The following PDZRN4 variants were observed in gnomAD, a reference collection of about 807,000 sequenced individuals.
PDZRN4 encodes PDZ domain containing ring finger 4.
In PDZRN4, 70 loss-of-function variants were observed where a neutral mutation model predicts 99.0. That is an observed-to-expected ratio of 0.71 (90% CI 0.58 to 0.86). The LOEUF (loss-of-function observed/expected upper bound fraction) is 0.86, where lower values mean the gene tolerates loss of function less well. Among genes scored for constraint, PDZRN4 ranks in the 40% least tolerant of loss-of-function variants. PDZRN4 has a pLI of 0.00. For synonymous variants in PDZRN4, 551 were observed against 501.6 expected, an observed-to-expected ratio of 1.10 and a Z score of -1.32; for missense variants, 1,474 against 1,331.2, an observed-to-expected ratio of 1.11 and a Z score of -1.67.
chr12:41,453,230 A>C (rs1952789836), intron 3 of PDZRN4, among the ~76,000 whole-genome samples: 1 of 152,122 alleles, frequency 6.6e-6, no homozygotes. Context: ...CTCGATCCTG[A>C]AGATGGGATC....
intron 7 of PDZRN4, among the ~76,000 whole-genome samples, chr12:41,560,133 G>A (rs1029680286): frequency 5.9e-5 from 9 of 151,496 alleles, no homozygotes; most frequent in African/African-American, 9.7e-5. Context: ...TGTTTTTTCC[G>A]CATCTATGTC....
At chr12:41,271,620 C>T (rs1245205444) in intron 3 of PDZRN4, among the ~76,000 whole-genome samples, 1 of 152,102 alleles carries the variant, frequency 6.6e-6, no homozygotes, top group African/African-American at 2.4e-5. Context: ...TAGTTTAACT[C>T]AAAATGCCAA....
chr12:41,470,330 C>T (rs1280736941), intron 3 of PDZRN4, among the ~76,000 whole-genome samples: 2 of 152,108 alleles, frequency 1.3e-5, no homozygotes, highest in East Asian at 1.9e-4. Context: ...AAAAAATTAA[C>T]TTGGTATTGG....
intron 3 of PDZRN4, among the ~76,000 whole-genome samples, chr12:41,397,988 T>C (rs897109340): frequency 1.3e-5 from 2 of 152,144 alleles, no homozygotes; most frequent in African/African-American, 4.8e-5. Flanking sequence ...TGAACTTTGC[T>C]GCCTACAGCC....
intron 8 of PDZRN4, among the ~76,000 whole-genome samples, chr12:41,564,034 GCTGTGTGGATCCTTTTAATT>G (rs1939318950): frequency 1.3e-5 from 2 of 152,128 alleles, no homozygotes; most frequent in South Asian, 4.1e-4. Flanking sequence ...ATGAAAAATG[GCTGTGTGGATCCTTTTAATT>G]CTGTGTGGAT....
chr12:41,568,290 T>C (rs1939414326), intron 9 of PDZRN4, among the ~76,000 whole-genome samples: 1 of 152,310 alleles, frequency 6.6e-6, no homozygotes, highest in South Asian at 2.1e-4. Flanking sequence ...ATGTATCTAT[T>C]TGAATACTTA....
At chr12:41,389,010 T>C (rs1952191776) in intron 3 of PDZRN4, among the ~76,000 whole-genome samples, 1 of 152,148 alleles carries the variant, frequency 6.6e-6, no homozygotes, top group African/African-American at 2.4e-5. Context: ...AAACTTGTCA[T>C]AAAGTTGGCT....
chr12:41,326,935 C>T (rs1012776853), intron 3 of PDZRN4, among the ~76,000 whole-genome samples: 2 of 152,120 alleles, frequency 1.3e-5, no homozygotes, highest in African/African-American at 2.4e-5. Flanking sequence ...GGAAATAATA[C>T]TGAATGACAT....
At chr12:41,507,350 A>C (rs879912747) in intron 4 of PDZRN4, among the ~76,000 whole-genome samples, 3 of 152,136 alleles carry the variant, frequency 2.0e-5, no homozygotes, top group Non-Finnish European at 4.4e-5. Flanking sequence ...TATTCAAATA[A>C]TCCTACTTGA....
intron 3 of PDZRN4, among the ~76,000 whole-genome samples, chr12:41,273,427 G>A (rs1401422662): frequency 1.3e-5 from 2 of 152,040 alleles, no homozygotes; most frequent in Non-Finnish European, 2.9e-5. Flanking sequence ...GAAGAAAAAT[G>A]TATTCTGAAA....
chr12:41,342,477 A>G (rs1951825505), intron 3 of PDZRN4, among the ~76,000 whole-genome samples: 1 of 151,914 alleles, frequency 6.6e-6, no homozygotes, highest in Admixed American at 6.6e-5. Context: ...TATCCAGAAT[A>G]TATAAAGAAC....
At chr12:41,522,157 C>A (rs984443742) in intron 5 of PDZRN4, among the ~76,000 whole-genome samples, 3 of 152,084 alleles carry the variant, frequency 2.0e-5, no homozygotes, top group South Asian at 2.1e-4. Flanking sequence ...GTGAGCAATG[C>A]AGTTGGGAAA....
At chr12:41,445,027 A>G (rs1249762742) in intron 3 of PDZRN4, among the ~76,000 whole-genome samples, 1 of 151,990 alleles carries the variant, frequency 6.6e-6, no homozygotes, top group East Asian at 1.9e-4. Flanking sequence ...AATATCATAT[A>G]TTTTATTAAA....
intron 3 of PDZRN4, among the ~76,000 whole-genome samples, chr12:41,297,797 G>A (rs1161841005): frequency 6.6e-6 from 1 of 151,986 alleles, no homozygotes; most frequent in Non-Finnish European, 1.5e-5. Flanking sequence ...TCATTTAGTT[G>A]GGGTAAAAGA....
chr12:41,554,903 T>C (rs1939119622), intron 6 of PDZRN4, among the ~76,000 whole-genome samples: 1 of 151,784 alleles, frequency 6.6e-6, no homozygotes, highest in Admixed American at 6.6e-5. Flanking sequence ...TGAGACATAA[T>C]TCTCTTTAAT....
chr12:41,493,191 T>C (rs576203649), intron 3 of PDZRN4, among the ~76,000 whole-genome samples: 14 of 152,318 alleles, frequency 9.2e-5, no homozygotes, highest in African/African-American at 3.4e-4. Flanking sequence ...CTGGTTTCCG[T>C]ATGCCATGTA....
At chr12:41,290,117 G>C (rs1267666091) in intron 3 of PDZRN4, among the ~76,000 whole-genome samples, 1 of 152,172 alleles carries the variant, frequency 6.6e-6, no homozygotes, top group Non-Finnish European at 1.5e-5. Flanking sequence ...TGATGCTTGA[G>C]ATCCATTGTG....
intron 3 of PDZRN4, among the ~76,000 whole-genome samples, chr12:41,454,970 A>G (rs530553627): frequency 1.3e-5 from 2 of 152,380 alleles, no homozygotes; most frequent in East Asian, 3.9e-4. Flanking sequence ...TTGAACTTCT[A>G]CATTTGGTCA....
chr12:41,362,613 C>G (rs1245029895), intron 3 of PDZRN4, among the ~76,000 whole-genome samples: 3 of 151,984 alleles, frequency 2.0e-5, no homozygotes, highest in Non-Finnish European at 4.4e-5. Flanking sequence ...ATGAAAGAAG[C>G]AAACTTGTCT....
Sources: gnomAD v4.1 joint callset for allele counts (sites outside exome capture counted in the v4.1 genomes callset) on GRCh38, gnomAD v4.1.1 for gene constraint, MANE v1.5 for transcripts, NCBI Gene and HGNC (gene_info 2026-07-23, HGNC 2026-07-21) for gene names.